ARSF: variants seen among roughly 807,000 people sequenced by gnomAD.
ARSF encodes arylsulfatase F.
A neutral mutation model predicts 35.4 loss-of-function variants in ARSF; 33 were observed. The ratio of observed to expected loss-of-function variants is 0.93; its 90% confidence interval spans 0.71 to 1.25. The LOEUF (loss-of-function observed/expected upper bound fraction) is 1.25, where lower values mean the gene tolerates loss of function less well. Ranked by LOEUF, ARSF falls within the 50% of genes most tolerant of loss-of-function variation. ARSF has a pLI of 0.00. For missense variants in ARSF, 501 were observed against 480.2 expected (o/e 1.04, Z -0.40); for synonymous variants, 222 against 193.1 (o/e 1.15, Z -1.24).
At chrX:3,063,263 G>A (rs914604006) in intron 1 of ARSF, among the ~76,000 whole-genome samples, 2 of 111,588 alleles carry the variant, frequency 1.8e-5, no homozygotes, top group African/African-American at 6.5e-5. Context: ...AGCCCTTCAT[G>A]CTAAAAACTC....
At chrX:3,098,568 C>G (rs912739542) in intron 7 of ARSF, among the ~76,000 whole-genome samples, 1 of 110,657 alleles carries the variant, frequency 9.0e-6, no homozygotes, top group Non-Finnish European at 1.9e-5. Flanking sequence ...GGGGAAACTC[C>G]TTTTGCTTGG....
chrX:3,071,291 TTTGTTGTTGTTG>T (rs561564476), intron 2 of ARSF, among the ~76,000 whole-genome samples: 1 of 110,210 alleles, frequency 9.1e-6, no homozygotes, highest in South Asian at 3.9e-4. Context: ...GCAAGTGTCT[TTTGTTGTTGTTG>T]TTGTTGTTGT....
At chrX:3,057,321 C>T (rs2090022679) in intron 1 of ARSF, among the ~76,000 whole-genome samples, 1 of 112,034 alleles carries the variant, frequency 8.9e-6, no homozygotes, top group Admixed American at 9.5e-5. Flanking sequence ...GAAACTCTGA[C>T]ATTACTAGGA....
In ARSF at chrX:3,062,722, T is replaced by C. The variant is rs187546274; in HGVS notation, c.-28-5351T>C. Among the ~76,000 whole-genome samples the C allele has an allele frequency of 9.5e-3, 1,061 of 111,877 alleles. 17 individuals carry two copies. The highest frequency in any genetic ancestry group is 0.033 in the African/African-American group (1,007 of 30,762). ...AATCTAGAAGAAATGGATAAATTTC[T>C]GGACACATACACCCTCCCAAGACTA... On this transcript the variant is annotated intron_variant, in intron 1 of 10. Coordinates refer to ENST00000381127, the MANE Select transcript of ARSF (RefSeq NM_001201539.2).
At position 3,068,125 on chromosome X, in the gene ARSF, T is replaced by C. The variant is rs1427067096; in HGVS notation, c.11+14T>C. 1 of 1,195,624 alleles carries C rather than the reference T, an allele frequency of 8.4e-7. No homozygotes were observed. The highest frequency in any genetic ancestry group is 1.1e-6 in the Non-Finnish European group (1 of 885,928). On this transcript the variant is annotated intron_variant, in intron 2 of 10. Transcript: ENST00000381127. ...AATGAGGCCCAGGTAGGTAAAGCCA[T>C]ATACTGCATTGTGAGCACATTGAAT...
At chrX:3,060,562 T>C (rs941472349) in intron 1 of ARSF, among the ~76,000 whole-genome samples, 1 of 111,253 alleles carries the variant, frequency 9.0e-6, no homozygotes, top group Non-Finnish European at 1.9e-5. Context: ...GCTAAAAACC[T>C]TGAAAAAAGA....
intron 4 of ARSF, among the ~76,000 whole-genome samples, chrX:3,076,913 G>T (rs1490046371): frequency 8.9e-6 from 1 of 111,769 alleles, no homozygotes; most frequent in Non-Finnish European, 1.9e-5. Flanking sequence ...GAGCATGGTG[G>T]CATGTGTCTG....
rs1310274708 is a variant in ARSF at position 3,041,656 on chromosome X, A to T, written c.-36A>T. 2 of 112,071 alleles carry T rather than the reference A, an allele frequency of 1.8e-5. No homozygotes were observed. Among genetic ancestry groups the T allele is most frequent in the Non-Finnish European group, 3.8e-5 (2 of 53,295 alleles). The allele number at this position is 112,071 out of a possible 1,213,427, so 9.2% of individuals were successfully genotyped here. ...GTTGGGATCCAACCTTTTTGTTTGT[A>T]TAAACTGGTGAGTTTGTGTTGATAT... On this transcript the variant is annotated 5_prime_UTR_variant, in exon 1 of 11. Coordinates refer to ENST00000381127, the MANE Select transcript of ARSF (RefSeq NM_001201539.2).
At chrX:3,073,079 T>C (rs2147496573) in intron 3 of ARSF, among the ~76,000 whole-genome samples, 1 of 99,860 alleles carries the variant, frequency 1.0e-5, no homozygotes, top group African/African-American at 3.6e-5. Flanking sequence ...AAACATATAT[T>C]TATATATTTT....
rs199783601 is a variant in ARSF, at chrX:3,112,215, C to G, written c.1432C>G (p.Gln478Glu). Residue 478 changes from glutamine to glutamate, a missense_variant, in exon 11 of 11, where the codon CAG becomes GAG. By Grantham distance (29) the Gln-to-Glu change is conservative. Coordinates refer to ENST00000381127, the MANE Select transcript of ARSF (RefSeq NM_001201539.2). ...GGCTCACTATGTGACCCCGGTATTC[C>G]AGCCACCAGCTTCTGGTGGCTGCTA... ...WKAHYVTPVF[Q>E]PPASGGCYVT... 3 of 1,210,177 alleles carry G rather than the reference C, an allele frequency of 2.5e-6. No individual in the cohort carries two copies. The highest frequency in any genetic ancestry group is 3.4e-6 in the Non-Finnish European group (3 of 894,887).
intron 1 of ARSF, among the ~76,000 whole-genome samples, chrX:3,042,263 A>G (rs1167090679): frequency 8.9e-6 from 1 of 112,188 alleles, no homozygotes; most frequent in East Asian, 2.8e-4. Context: ...ACTTTAAATG[A>G]TGACTATCAG....
intron 10 of ARSF, 39 bp from the exon 11 acceptor site, chrX:3,112,135 A>G (rs1471008069): frequency 9.1e-7 from 1 of 1,098,044 alleles, no homozygotes; most frequent in Non-Finnish European, 1.2e-6. Context: ...ATCTGGCTGA[A>G]GTGCGCATCA....
intron 5 of ARSF, among the ~76,000 whole-genome samples, chrX:3,083,388 C>G (rs191039189): frequency 1.8e-5 from 2 of 110,726 alleles, no homozygotes; most frequent in East Asian, 5.7e-4. Flanking sequence ...AGTCATCTAT[C>G]GATCCATCCA....
intron 7 of ARSF, among the ~76,000 whole-genome samples, chrX:3,093,933 G>A (rs191417043): frequency 2.7e-3 from 306 of 111,563 alleles, no homozygotes; most frequent in Non-Finnish European, 5.0e-3. Context: ...TATTGGGTTC[G>A]TGCAAAAGTA....
intron 6 of ARSF, among the ~76,000 whole-genome samples, chrX:3,084,981 G>A (rs1469590320): frequency 9.0e-6 from 1 of 111,320 alleles, no homozygotes; most frequent in Non-Finnish European, 1.9e-5. Context: ...AATAGGGGAT[G>A]ATGGTATTAA....
intron 5 of ARSF, among the ~76,000 whole-genome samples, chrX:3,083,036 C>T (rs2090214063): frequency 9.1e-6 from 1 of 109,565 alleles, no homozygotes; most frequent in East Asian, 2.9e-4. Context: ...TCTATCTATC[C>T]ATTCATCTAT....
chrX:3,057,854 C>T (rs1358669941), intron 1 of ARSF, among the ~76,000 whole-genome samples: 2 of 111,620 alleles, frequency 1.8e-5, no homozygotes, highest in Non-Finnish European at 3.8e-5. Context: ...TGTACAAGGA[C>T]TGTATTAAGA....
intron 2 of ARSF, among the ~76,000 whole-genome samples, chrX:3,070,023 T>A (rs966123770): frequency 8.9e-6 from 1 of 111,804 alleles, no homozygotes; most frequent in Non-Finnish European, 1.9e-5. Flanking sequence ...AAATTTTGTA[T>A]CCTTCGACCA....
At position 3,112,562 on chromosome X, in the gene ARSF, A is replaced by G. The variant is rs369326869; in HGVS notation, c.*6A>G. The G allele has an allele frequency of 1.0e-5, 12 of 1,192,074 alleles. No homozygotes were observed. Among genetic ancestry groups the G allele is most frequent in the Non-Finnish European group, 1.2e-5 (11 of 887,780 alleles). On this transcript the variant is annotated 3_prime_UTR_variant, in exon 11 of 11. Transcript: ENST00000381127. ...GTCCTAACGAGAAGAGATAATTACA[A>G]TCAGGCTACCAGAGGAAGCCTTTGG...
Sources: allele counts gnomAD v4.1 joint callset (sites outside exome capture counted in the v4.1 genomes callset), GRCh38; gene constraint gnomAD v4.1.1; transcripts MANE v1.5; gene names NCBI Gene and HGNC (gene_info 2026-07-23, HGNC 2026-07-21).